Variants in TRIM14 observed in about 807,000 individuals in gnomAD.
TRIM14 encodes tripartite motif containing 14.
TRIM14 carries 28 observed loss-of-function variants against 44.5 expected under a neutral mutation model. The ratio of observed to expected loss-of-function variants is 0.63; its 90% CI spans 0.47 to 0.86. TRIM14 has a LOEUF of 0.86. Among genes scored for constraint, TRIM14 ranks in the 40% least tolerant of loss-of-function variants. The pLI, the probability that TRIM14 is intolerant of heterozygous loss-of-function variation, is 0.00. For synonymous variants in TRIM14, 299 were observed against 269.2 expected (o/e 1.11, Z -1.08); for missense variants, 607 against 611.1 (o/e 0.99, Z 0.07).
chr9:98,062,419 T>G, the TRIM14 span, among the ~76,000 whole-genome samples: 3 of 152,136 alleles, frequency 2.0e-5, no homozygotes, highest in Admixed American at 2.0e-4. Flanking sequence ...CTCTGTGACC[T>G]GCCTCCTTAA....
chr9:98,075,328 T>C (rs1829533414), intron 6 of TRIM14: 1 of 89,676 alleles, frequency 1.1e-5, no homozygotes, highest in African/African-American at 9.0e-5. Flanking sequence ...AAGAGAAGAG[T>C]TAAAAATAAA....
the TRIM14 span, among the ~76,000 whole-genome samples, chr9:98,048,058 C>T: frequency 1.6e-5 from 2 of 128,354 alleles, no homozygotes; most frequent in East Asian, 4.0e-4. Flanking sequence ...GTGTGAGACT[C>T]CTTCTCAAAA....
chr9:98,118,937 C>G (rs1587983532), intron 1 of TRIM14, 45 bp downstream of exon 1: 1 of 1,452,516 alleles, frequency 6.9e-7, no homozygotes, highest in Non-Finnish European at 9.0e-7. Context: ...CCTGGGCTGG[C>G]TCCCCCAACT....
the TRIM14 span, among the ~76,000 whole-genome samples, chr9:98,041,398 C>A: frequency 2.0e-5 from 3 of 151,790 alleles, no homozygotes; most frequent in South Asian, 2.1e-4. Context: ...GTGGGCCAGG[C>A]TGGTCTCAAA....
intron 6 of TRIM14, chr9:98,078,252 C>T (rs565435586): frequency 6.2e-7 from 1 of 1,614,126 alleles, no homozygotes; most frequent in Non-Finnish European, 8.5e-7. Context: ...GCAAGTTTAT[C>T]AGATCGTGAA....
chr9:98,103,069 C>T (rs867501630), intron 2 of TRIM14, among the ~76,000 whole-genome samples: 1 of 151,930 alleles, frequency 6.6e-6, no homozygotes, highest in Non-Finnish European at 1.5e-5. Flanking sequence ...GCCTGTAATC[C>T]CAGCTACTCA....
chr9:98,049,339 AT>A, the TRIM14 span, among the ~76,000 whole-genome samples: 21,444 of 60,126 alleles, frequency 0.36, 4,228 homozygotes, highest in South Asian at 0.54. Flanking sequence ...GAGACTCTGC[AT>A]AAAAAAAAAA....
chr9:98,067,256 C>T (rs1829175339), downstream of TRIM14, among the ~76,000 whole-genome samples: 1 of 152,148 alleles, frequency 6.6e-6, no homozygotes, highest in South Asian at 2.1e-4. Flanking sequence ...GTTCATTTCT[C>T]TTCGGTATTA....
chr9:98,086,783 G>A lies in TRIM14; in HGVS notation c.*687C>T, dbSNP rs1825789789. The A allele has an allele frequency of 6.5e-6, 1 of 153,084 alleles. No individual in the cohort carries two copies. Among genetic ancestry groups the A allele is most frequent in the Non-Finnish European group, 1.5e-5 (1 of 68,818 alleles). 9.5% of individuals were successfully genotyped at this position (153,084 alleles called of 1,614,324 possible). ...AGGATAAGTAATTTTGGGCAGACTA[G>A]ACAAGCCTTGAATGCTAAGGTGAGG... On this transcript the variant is annotated 3_prime_UTR_variant, in exon 6 of 6. Transcript: ENST00000341469.
At chr9:98,093,632 C>G (rs1179224363) in intron 4 of TRIM14, among the ~76,000 whole-genome samples, 1 of 152,160 alleles carries the variant, frequency 6.6e-6, no homozygotes, top group Non-Finnish European at 1.5e-5. Context: ...TGAATGCTTC[C>G]TTTGGGCCAC....
the TRIM14 span, among the ~76,000 whole-genome samples, chr9:98,037,389 C>T: frequency 6.6e-6 from 1 of 151,730 alleles, no homozygotes; most frequent in African/African-American, 2.4e-5. Context: ...AACAAACAAA[C>T]AAACAAAAAA....
the TRIM14 span, among the ~76,000 whole-genome samples, chr9:98,055,137 A>G: frequency 6.6e-6 from 1 of 152,252 alleles, no homozygotes; most frequent in South Asian, 2.1e-4. Flanking sequence ...CTCCTACCTC[A>G]GCCTCCCAAG....
At position 98,087,297 on chromosome 9, in the gene TRIM14, C is replaced by A. The variant is rs773082701; in HGVS notation, c.*173G>T. On this transcript the variant is annotated 3_prime_UTR_variant, in exon 6 of 6. Transcript: ENST00000341469. The stretch of plus-strand genomic sequence containing the variant: ...TTGTTTAGGGCCTGTTTGAAACTAG[C>A]CTAGGAGAGGAAACCTTCAAAGCAC... 1.9e-6 allele frequency: 2 copies of A among 1,047,522 alleles called. No homozygotes were observed. Among genetic ancestry groups the A allele is most frequent in the Admixed American group, 1.7e-5 (1 of 59,282 alleles). 64.9% of individuals were successfully genotyped at this position (1,047,522 alleles called of 1,614,324 possible). A position where few individuals can be genotyped will look rare whatever the true frequency, so the allele number is the denominator to read the frequency against.
downstream of TRIM14, chr9:98,082,894 C>A (rs770189007): frequency 5.6e-6 from 9 of 1,614,152 alleles, no homozygotes; most frequent in Non-Finnish European, 7.6e-6. Flanking sequence ...AGGCACCATT[C>A]TAACAATGGA....
chr9:98,109,272 G>A (rs1298810492), intron 2 of TRIM14, among the ~76,000 whole-genome samples: 3 of 126,804 alleles, frequency 2.4e-5, no homozygotes, highest in African/African-American at 1.6e-4. Context: ...GAGGATGAAA[G>A]GGGGAGGGAG....
At chr9:98,060,868 G>A in the TRIM14 span, 52 of 1,614,188 alleles carry the variant, frequency 3.2e-5, no homozygotes, top group East Asian at 1.0e-3. Context: ...CATACACCTC[G>A]AAGCATTCCT....
At chr9:98,088,916 TTTG>T (rs991793724) in intron 5 of TRIM14, among the ~76,000 whole-genome samples, 4 of 110,456 alleles carry the variant, frequency 3.6e-5, no homozygotes, top group African/African-American at 2.0e-4. Context: ...TGAAGTTTTT[TTTG>T]TTGTTGTTGT....
chr9:98,083,904 G>A (rs1830000047), downstream of TRIM14, among the ~76,000 whole-genome samples: 1 of 152,182 alleles, frequency 6.6e-6, no homozygotes, highest in Non-Finnish European at 1.5e-5. Context: ...GGGAGTCAGG[G>A]TTTGTTTACA....
chr9:98,110,148 G>A (rs970177679), intron 1 of TRIM14, 164 bp from the exon 2 acceptor site: 3 of 617,370 alleles, frequency 4.9e-6, no homozygotes, highest in Non-Finnish European at 8.7e-6. Flanking sequence ...TGGATGAGCT[G>A]GGACTAGGAC....
Sources: allele counts gnomAD v4.1 joint callset (sites outside exome capture counted in the v4.1 genomes callset), GRCh38; gene constraint gnomAD v4.1.1; transcripts MANE v1.5; gene names NCBI Gene and HGNC (gene_info 2026-07-23, HGNC 2026-07-21).